The following HMCN2 variants were observed in gnomAD, a reference collection of about 807,000 sequenced individuals.
The protein encoded by HMCN2 is hemicentin 2.
HMCN2 carries 325 observed loss-of-function variants against 377.5 expected under a neutral mutation model. The ratio of observed to expected loss-of-function variants is 0.86; its 90% confidence interval spans 0.79 to 0.94. The LOEUF (loss-of-function observed/expected upper bound fraction) is 0.94. Among genes scored for constraint, HMCN2 ranks in the 40% least tolerant of loss-of-function variants. The pLI is 0.00. For missense variants in HMCN2, 4,543 were observed against 4,725.3 expected, an observed-to-expected ratio of 0.96 and a Z score of 1.13; for synonymous variants, 2,007 against 2,046.8, an observed-to-expected ratio of 0.98 and a Z score of 0.53.
intron 90 of HMCN2, among the ~76,000 whole-genome samples, chr9:130,426,258 T>C (rs779777961): frequency 6.6e-6 from 1 of 152,202 alleles, no homozygotes; most frequent in African/African-American, 2.4e-5. Context: ...GCACCTGCAC[T>C]GAGGCCACAC....
At chr9:130,409,965 C>T (rs375310872) in intron 84 of HMCN2, among the ~76,000 whole-genome samples, 2 of 152,202 alleles carry the variant, frequency 1.3e-5, no homozygotes, top group African/African-American at 2.4e-5. Context: ...TGAGCCAGCG[C>T]GCCACCTGAG....
At chr9:130,296,398 G>A (rs372000899) in intron 6 of HMCN2, among the ~76,000 whole-genome samples, 71 of 152,330 alleles carry the variant, frequency 4.7e-4, no homozygotes, top group African/African-American at 1.6e-3. Flanking sequence ...AGACATTCAC[G>A]GGAACAGACA....
At position 130,366,014 on chromosome 9, in the gene HMCN2, C is replaced by G; in HGVS notation, c.6625+19C>G. On this transcript the variant is annotated intron_variant, in intron 43 of 97. Transcript: ENST00000683500. ...AAGGACGGTAGGATTGCTGCCCTCA[C>G]CCAGCCCCACCTCATTGCCAGGCAC... 1.0e-6 allele frequency: 1 copy of G among 986,060 alleles called. No homozygotes were observed. Among genetic ancestry groups the G allele is most frequent in the Non-Finnish European group, 1.2e-6 (1 of 830,092 alleles). The allele number at this position is 986,060 out of a possible 1,614,324, so 61.1% of individuals were successfully genotyped here.
intron 31 of HMCN2, among the ~76,000 whole-genome samples, chr9:130,354,550 G>C (rs1839916357): frequency 6.6e-6 from 1 of 152,226 alleles, no homozygotes; most frequent in South Asian, 2.1e-4. Flanking sequence ...GCAACAGTCA[G>C]CACCCAGGGG....
chr9:130,322,480 G>A (rs1837911607), intron 19 of HMCN2, among the ~76,000 whole-genome samples: 2 of 152,110 alleles, frequency 1.3e-5, no homozygotes, highest in African/African-American at 4.8e-5. Context: ...TCCATGACAA[G>A]GTGTTATGGC....
intron 52 of HMCN2, among the ~76,000 whole-genome samples, chr9:130,377,271 G>A (rs1197221811): frequency 6.6e-6 from 1 of 152,050 alleles, no homozygotes; most frequent in Non-Finnish European, 1.5e-5. Flanking sequence ...CCGCCACCAC[G>A]CCTGGCTAAT....
rs566820060 is a variant in HMCN2, at chr9:130,425,732, G to A, written c.13687G>A (p.Val4563Met). Residue 4563 changes from valine (V) to methionine (M), a missense_variant, in exon 90 of 98, where the codon GTG becomes ATG. This residue lies in a region of HMCN2 where 1,155 missense variants were observed against 1,157.7 expected (regional missense o/e 1.00). Coordinates refer to ENST00000683500, the MANE Select transcript of HMCN2 (RefSeq NM_001291815.2). ...YVQTGPGQLF[V>M]GSTQRFFQGG... Reference sequence around the variant, plus strand: ...GCAAACAGGGCCTGGCCAGCTGTTCGTGGGCTCCACACAGCGCTTCTTCCA... The same window carrying A: ...GCAAACAGGGCCTGGCCAGCTGTTCATGGGCTCCACACAGCGCTTCTTCCA... 165 of 1,547,786 alleles carry A rather than the reference G, an allele frequency of 1.1e-4. No individual in the cohort carries two copies. Among genetic ancestry groups the A allele is most frequent in the Non-Finnish European group, 1.4e-4 (158 of 1,146,202 alleles).
intron 1 of HMCN2, among the ~76,000 whole-genome samples, chr9:130,268,523 G>A (rs1249111531): frequency 2.7e-5 from 4 of 149,318 alleles, no homozygotes; most frequent in Non-Finnish European, 4.5e-5. Context: ...AAAGTGACAT[G>A]TGGTGGCTCA....
chr9:130,281,101 T>TG (rs1339771723), intron 1 of HMCN2, among the ~76,000 whole-genome samples: 1 of 84,590 alleles, frequency 1.2e-5, no homozygotes, highest in Non-Finnish European at 2.1e-5. Context: ...AGACTCTGTC[T>TG]GAAAAAAAAA....
At chr9:130,375,273 A>G (rs1406029093) in intron 49 of HMCN2, among the ~76,000 whole-genome samples, 1 of 152,166 alleles carries the variant, frequency 6.6e-6, no homozygotes, top group Admixed American at 6.5e-5. Context: ...CCTCTGGTTA[A>G]TTGGTAGAGA....
intron 82 of HMCN2, chr9:130,406,440 A>C (rs952264237): frequency 1.5e-5 from 5 of 329,548 alleles, no homozygotes; most frequent in Admixed American, 4.0e-5. Context: ...CCTGTGTTCT[A>C]GTCCAGAGCT....
Position 130,303,296 on chromosome 9 carries a change from G to A in HMCN2, c.1422-191G>A, listed in dbSNP as rs1836623826. 6.6e-6 allele frequency among the ~76,000 whole-genome samples: 1 copy of A among 152,234 alleles called. No individual in the cohort carries two copies. Among genetic ancestry groups the A allele is most frequent in the South Asian group, 2.1e-4 (1 of 4,834 alleles). On this transcript the variant is annotated intron_variant, in intron 9 of 97. Transcript: ENST00000683500. The surrounding 1 kb of genome is among the most constrained non-coding windows in gnomAD (Gnocchi z 5.2). ...GATGGGAGCCCAGGACTCAGAGAGA[G>A]GAAGGGCCTGACTCCAAGTCACACA...
intron 56 of HMCN2, 21 bp downstream of exon 56, chr9:130,382,887 G>A (rs187313053): frequency 8.1e-6 from 8 of 984,948 alleles, no homozygotes; most frequent in East Asian, 1.1e-4. Flanking sequence ...CCCCCTGCAC[G>A]GGCTAGGGGC....
intron 77 of HMCN2, among the ~76,000 whole-genome samples, chr9:130,401,346 T>G (rs563270221): frequency 2.0e-5 from 3 of 152,174 alleles, no homozygotes; most frequent in African/African-American, 7.2e-5. Flanking sequence ...TTTTTTAAGA[T>G]GGAGTCTCGC....
intron 74 of HMCN2, 70 bp from the exon 75 acceptor site, chr9:130,398,481 G>A: frequency 1.6e-5 from 14 of 883,230 alleles, no homozygotes; most frequent in Non-Finnish European, 2.0e-5. Context: ...TTGCCCCTGG[G>A]CACAGCCTCA....
chr9:130,381,179 C>T (rs113971719), intron 54 of HMCN2, among the ~76,000 whole-genome samples: 269 of 152,284 alleles, frequency 1.8e-3, no homozygotes, highest in African/African-American at 6.2e-3. Context: ...CCTCAAACAT[C>T]AACTGACCCC....
In HMCN2 at chr9:130,314,374, C is replaced by T. The variant is rs956413684; in HGVS notation, c.2350+4313C>T. On this transcript the variant is annotated intron_variant, in intron 15 of 97. Coordinates refer to ENST00000683500, the MANE Select transcript of HMCN2 (RefSeq NM_001291815.2). The stretch of plus-strand genomic sequence containing the variant: ...TTCTAATTTTGATTTCTTTTAAAAT[C>T]AGAATTAAAAAATGACCAATAGTGA... 2.5e-3 allele frequency among the ~76,000 whole-genome samples: 379 copies of T among 152,292 alleles called. 1 individual carries two copies. Among genetic ancestry groups the T allele is most frequent in the African/African-American group, 8.7e-3 (363 of 41,554 alleles).
rs1554935742 is a variant in HMCN2, at chr9:130,304,309, A to G, written c.1544-421A>G. Among the ~76,000 whole-genome samples, 1 of 152,032 alleles carries G rather than the reference A, an allele frequency of 6.6e-6. No individual in the cohort carries two copies. Among genetic ancestry groups the G allele is most frequent in the East Asian group, 1.9e-4 (1 of 5,174 alleles). The stretch of plus-strand genomic sequence containing the variant: ...TTAGCGCTTTCCTCCTTGGGGGCAT[A>G]TTTGGCTGCTATAAATAGCCCTGCT... On this transcript the variant is annotated intron_variant, in intron 10 of 97. Transcript: ENST00000683500. This position sits in a 1 kb window ranked among gnomAD's most constrained non-coding sequence, Gnocchi z 4.3.
intron 77 of HMCN2, 107 bp downstream of exon 77, chr9:130,401,054 G>T: frequency 1.0e-6 from 1 of 997,748 alleles, no homozygotes; most frequent in Non-Finnish European, 1.3e-6. Context: ...ATCTGGCCTG[G>T]CACTGCCTCT....
Sources: allele counts gnomAD v4.1 joint callset (sites outside exome capture counted in the v4.1 genomes callset), GRCh38; gene constraint gnomAD v4.1.1; regional missense constraint gnomAD v4.1.1; non-coding constraint Gnocchi (gnomAD v3.1); transcripts MANE v1.5; gene names NCBI Gene and HGNC (gene_info 2026-07-23, HGNC 2026-07-21).